Variants in ERBB2 observed in about 807,000 individuals in gnomAD.
ERBB2 encodes receptor tyrosine-protein kinase erbB-2.
A neutral mutation model predicts 149.0 loss-of-function variants in ERBB2; 61 were observed. The observed-to-expected ratio is 0.41, with a 90% CI of 0.33 to 0.51. ERBB2 has a LOEUF of 0.51. ERBB2 is among the 20% of genes least tolerant of loss of function. The pLI is 0.25. For missense variants in ERBB2, 1,205 were observed against 1,655.1 expected (o/e 0.73, Z 4.72); for synonymous variants, 633 against 678.8 (o/e 0.93, Z 1.05).
intron 8 of ERBB2, 98 bp from the exon 9 acceptor site, chr17:39,712,224 G>A (rs1220602986): frequency 6.4e-7 from 1 of 1,553,654 alleles, no homozygotes; most frequent in Non-Finnish European, 8.8e-7. Flanking sequence ...CCCTGTCAGT[G>A]TGGGGAGGGG....
In ERBB2 at chr17:39,700,097, C is replaced by A; in HGVS notation, c.-142C>A. The A allele has an allele frequency of 1.7e-5, 22 of 1,283,132 alleles. No homozygotes were observed. The highest frequency in any genetic ancestry group is 2.1e-5 in the Non-Finnish European group (21 of 1,018,728). The allele number at this position is 1,283,132 out of a possible 1,614,324, so 79.5% of individuals were successfully genotyped here. On this transcript the variant is annotated 5_prime_UTR_variant, in exon 1 of 27. Transcript: ENST00000269571. Reference sequence around the variant, plus strand: ...TTGGGACCGGAGAAACCAGGGGAGCCCCCCGGGCAGCCGCGCGCCCCTTCC... The same window carrying A: ...TTGGGACCGGAGAAACCAGGGGAGCACCCCGGGCAGCCGCGCGCCCCTTCC...
At position 39,712,456 on chromosome 17, in the gene ERBB2, T is replaced by G; in HGVS notation, c.1148+8T>G. The G allele has an allele frequency of 6.2e-7, 1 of 1,612,954 alleles. No individual in the cohort carries two copies. Among genetic ancestry groups the G allele is most frequent in the Non-Finnish European group, 8.5e-7 (1 of 1,179,520 alleles). ...GCCGGAGAGCTTTGATGGGTAAGAG[T>G]GGGCACGATGACCTGAGACAGTGTC... On this transcript the variant is annotated splice_region_variant and intron_variant, in intron 9 of 26. Transcript: ENST00000269571.
At chr17:39,716,643 G>A (rs775274462) in intron 14 of ERBB2, 38 bp downstream of exon 14, 9 of 1,575,966 alleles carry the variant, frequency 5.7e-6, no homozygotes, top group East Asian at 2.2e-5. Context: ...GTGGAGGGGG[G>A]CAGCGAGGGG....
chr17:39,726,488 AG>A lies in ERBB2; in HGVS notation c.2873-69del. 1 of 1,247,148 alleles carries A rather than the reference AG, an allele frequency of 8.0e-7. No individual in the cohort carries two copies. Among genetic ancestry groups the A allele is most frequent in the Admixed American group, 1.7e-5 (1 of 57,146 alleles). 77.3% of individuals were successfully genotyped at this position (1,247,148 alleles called of 1,614,324 possible). A position where few individuals can be genotyped will look rare whatever the true frequency, so the allele number is the denominator to read the frequency against. ...CTTGGGACTGTCTAGACCAGACTGGAGGGGGAGTGGGAGGGGAGAGGCAGCA... is the reference window on the plus strand; with the variant it reads ...CTTGGGACTGTCTAGACCAGACTGGAGGGGAGTGGGAGGGGAGAGGCAGCA... On this transcript the variant is annotated intron_variant, in intron 23 of 26. Coordinates refer to ENST00000269571, the MANE Select transcript of ERBB2 (RefSeq NM_004448.4). This position sits in a 1 kb window ranked among gnomAD's most constrained non-coding sequence, Gnocchi z 5.1.
chr17:39,727,766 G>C lies in ERBB2; in HGVS notation c.3490G>C (p.Gly1164Arg). Residue 1164 changes from glycine (G) to arginine (R), a missense_variant, in exon 27 of 27, where the codon GGT becomes CGT. Gly to Arg is a moderately radical substitution (Grantham distance 125). Coordinates refer to ENST00000269571, the MANE Select transcript of ERBB2 (RefSeq NM_004448.4). This position sits in a 1 kb window ranked among gnomAD's most constrained non-coding sequence, Gnocchi z 4.3. ...CCCTCTGCCTGCTGCCCGACCTGCTGGTGCCACTCTGGAAAGGCCCAAGAC... is the reference window on the plus strand; with the variant it reads ...CCCTCTGCCTGCTGCCCGACCTGCTCGTGCCACTCTGGAAAGGCCCAAGAC... ...EGPLPAARPA[G>R]ATLERPKTLS... 1.9e-6 allele frequency: 3 copies of C among 1,607,114 alleles called. No individual in the cohort carries two copies. Among genetic ancestry groups the C allele is most frequent in the Non-Finnish European group, 2.6e-6 (3 of 1,175,056 alleles).
rs1205423163 is a variant in ERBB2 at position 39,725,912 on chromosome 17, G to GCCCA, written c.2872+61_2872+64dup. The GCCCA allele has an allele frequency of 6.3e-6, 10 of 1,585,274 alleles. No homozygotes were observed. In the African/African-American group the frequency reaches 8.1e-5, roughly 13 times the overall value. On this transcript the variant is annotated intron_variant, in intron 23 of 26. Transcript: ENST00000269571. The surrounding 1 kb of genome is among the most constrained non-coding windows in gnomAD (Gnocchi z 4.6). ...AGGGTGGGAGGTCCTGGGTGGAGGA[G>GCCCA]CCCACAAGGGGCATGAAAGGGGACC...
upstream of ERBB2, chr17:39,699,841 C>T (rs1187081722): frequency 1.6e-5 from 9 of 557,608 alleles, no homozygotes; most frequent in East Asian, 6.3e-5. Context: ...AGTGTGAGAA[C>T]GGCTGCAGGC....
At chr17:39,698,316 G>A (rs758620198), upstream of ERBB2, among the ~76,000 whole-genome samples, 7 of 150,576 alleles carry the variant, frequency 4.6e-5, no homozygotes, top group Non-Finnish European at 8.9e-5. Flanking sequence ...CTGGAGTGCA[G>A]AGGCGCAATC....
rs104886008 is a variant in ERBB2 at position 39,725,061 on chromosome 17, C to T, written c.2506C>T (p.Leu836=). The T allele has an allele frequency of 6.2e-7, 1 of 1,614,134 alleles. No homozygotes were observed. Among genetic ancestry groups the T allele is most frequent in the Non-Finnish European group, 8.5e-7 (1 of 1,180,028 alleles). ...CMQIAKGMSY[L]EDVRLVHRDL... is the part of the protein sequence containing the mutation. ...CTTCCCATTCCAGGGGATGAGCTAC[C>T]TGGAGGATGTGCGGCTCGTACACAG... The change falls in exon 21 of 27, where the codon CTG becomes TTG. Residue 836 remains leucine (L), a synonymous_variant. Transcript: ENST00000269571. This position sits in a 1 kb window ranked among gnomAD's most constrained non-coding sequence, Gnocchi z 4.6.
At chr17:39,705,758 C>G (rs2058389165) in intron 1 of ERBB2, among the ~76,000 whole-genome samples, 1 of 152,198 alleles carries the variant, frequency 6.6e-6, no homozygotes, top group Non-Finnish European at 1.5e-5. Context: ...TGACCTTAGG[C>G]TCCAACTTGC....
At chr17:39,689,705 A>G (rs2057649523) in intron 2 of ERBB2, among the ~76,000 whole-genome samples, 2 of 152,122 alleles carry the variant, frequency 1.3e-5, no homozygotes. Flanking sequence ...TAGGAGTTTG[A>G]GACCAGCCTG....
At chr17:39,719,436 T>A (rs1285139140) in intron 15 of ERBB2, among the ~76,000 whole-genome samples, 1 of 152,196 alleles carries the variant, frequency 6.6e-6, no homozygotes, top group East Asian at 1.9e-4. Context: ...ATAGATGATA[T>A]TTCATAGGTA....
chr17:39,710,798 G>T (rs1444695211), intron 7 of ERBB2, among the ~76,000 whole-genome samples: 2 of 152,200 alleles, frequency 1.3e-5, no homozygotes, highest in Non-Finnish European at 2.9e-5. Flanking sequence ...GCATAAGATG[G>T]TTATAACATT....
chr17:39,708,233 C>A, intron 2 of ERBB2, 88 bp from the exon 3 acceptor site: 1 of 1,005,142 alleles, frequency 9.9e-7, no homozygotes, highest in Non-Finnish European at 1.5e-6. Flanking sequence ...GGGCCTTGCC[C>A]AAGATCTCCA....
upstream of ERBB2, among the ~76,000 whole-genome samples, chr17:39,694,031 C>T (rs1469799004): frequency 6.8e-6 from 1 of 146,596 alleles, no homozygotes; most frequent in African/African-American, 2.5e-5. Flanking sequence ...ATCAAAAATA[C>T]AAAAATTAGC....
In ERBB2 at chr17:39,723,330, C is replaced by A. The variant is rs2145802334; in HGVS notation, c.1958C>A (p.Ser653Tyr). The A allele has an allele frequency of 6.2e-7, 1 of 1,613,938 alleles. No individual in the cohort carries two copies. The highest frequency in any genetic ancestry group is 8.5e-7 in the Non-Finnish European group (1 of 1,179,928). Reference sequence around the variant, plus strand: ...GCTTCCGCCCCCAGCCCTCTGACGTCCATCATCTCTGCGGTGGTTGGCATT... The same window carrying A: ...GCTTCCGCCCCCAGCCCTCTGACGTACATCATCTCTGCGGTGGTTGGCATT... ...PAEQRASPLTSIISAVVGILL... is the reference protein window; with the variant it reads ...PAEQRASPLTYIISAVVGILL... The change falls in exon 17 of 27, where the codon TCC (serine) becomes TAC (tyrosine). Residue 653 changes from serine (S) to tyrosine (Y), a missense_variant. Physicochemically the swap from Ser to Tyr is moderately radical, Grantham distance 144 (BLOSUM62 -2). Transcript: ENST00000269571. This position sits in a 1 kb window ranked among gnomAD's most constrained non-coding sequence, Gnocchi z 6.2.
upstream of ERBB2, among the ~76,000 whole-genome samples, chr17:39,697,441 C>T (rs529477896): frequency 5.3e-5 from 8 of 151,514 alleles, no homozygotes; most frequent in South Asian, 2.1e-4. Context: ...CCGCAACCTC[C>T]GCTTCCCAGG....
Position 39,710,454 on chromosome 17 carries a change from G to A in ERBB2, c.874G>A (p.Gly292Ser), listed in dbSNP as rs775544453. The A allele has an allele frequency of 1.2e-5, 19 of 1,613,888 alleles. No individual in the cohort carries two copies. In the South Asian group the frequency reaches 1.3e-4, roughly 11 times the overall value. The stretch of plus-strand genomic sequence containing the variant: ...CAATCCCGAGGGCCGGTATACATTC[G>A]GCGCCAGCTGTGTGACTGCCTGTCC... Reference protein sequence around the residue: ...MPNPEGRYTFGASCVTACPYN... With the variant: ...MPNPEGRYTFSASCVTACPYN... The change falls in exon 7 of 27, where the codon GGC becomes AGC. Residue 292 changes from glycine to serine, a missense_variant. Physicochemically the swap from Gly to Ser is moderately conservative, Grantham distance 56. Around this residue, in one of 6 missense-constraint regions of ERBB2, gnomAD observed 569 missense variants for 803.5 expected, o/e 0.71. Transcript: ENST00000269571.
chr17:39,713,777 C>G (rs1029534235), intron 9 of ERBB2, among the ~76,000 whole-genome samples: 14 of 145,832 alleles, frequency 9.6e-5, no homozygotes, highest in African/African-American at 3.6e-4. Flanking sequence ...AAAAAAGGGT[C>G]AGGCGCCGTG....
Sources: gnomAD v4.1 joint callset for allele counts (sites outside exome capture counted in the v4.1 genomes callset) on GRCh38, gnomAD v4.1.1 for gene constraint, gnomAD v4.1.1 regional missense constraint, Gnocchi (gnomAD v3.1) non-coding constraint, MANE v1.5 for transcripts, NCBI Gene and HGNC (gene_info 2026-07-23, HGNC 2026-07-21) for gene names.